RCC2: variants seen among roughly 807,000 people sequenced by gnomAD.
RCC2 encodes protein RCC2.
Under a neutral mutation model 64.1 loss-of-function variants are expected in RCC2, and 19 were observed. The observed-to-expected ratio is 0.30, with a 90% CI of 0.21 to 0.44. RCC2 has a LOEUF of 0.44. RCC2 is among the 20% of genes least tolerant of loss of function. The pLI is 1.00. For synonymous variants in RCC2, 325 were observed against 279.6 expected (o/e 1.16, Z -1.62); for missense variants, 508 against 710.4 (o/e 0.72, Z 3.24).
chr1:17,431,359 A>ATATATATATATATATATATATATAT lies in RCC2; in HGVS notation c.286-2161_286-2160insATATATATATATATATATATATATA, dbSNP rs1265674393. 8.0e-4 allele frequency among the ~76,000 whole-genome samples: 36 copies of ATATATATATATATATATATATATAT among 44,914 alleles called. 1 individual carries two copies. The highest frequency in any genetic ancestry group is 1.3e-3 in the Non-Finnish European group (33 of 26,166). 29.5% of individuals were successfully genotyped at this position (44,914 alleles called of 152,430 possible). A position where few individuals can be genotyped will look rare whatever the true frequency, so the allele number is the denominator to read the frequency against. ...AAAAAAAAAAAAAAAAAAAAAAAAAAATATATATATATATATATATATGTG... is the reference window on the plus strand; with the variant it reads ...AAAAAAAAAAAAAAAAAAAAAAAAAATATATATATATATATATATATATATATATATATATATATATATATATGTG... On this transcript the variant is annotated intron_variant, in intron 2 of 12. Transcript: ENST00000375436.
Position 17,416,618 on chromosome 1 carries a change from G to C in RCC2, c.888C>G (p.Ala296=). Residue 296 remains alanine, a synonymous_variant, in exon 8 of 13, where the codon GCC becomes GCG. Transcript: ENST00000375436. ...LGHNSDGKFI[A]RAQRIEYDCE... The stretch of plus-strand genomic sequence containing the variant: ...AGTCGTACTCTATCCGCTGTGCCCG[G>C]GCGATGAACTTCCCATCTGAGTTGT... 6.2e-7 allele frequency: 1 copy of C among 1,613,570 alleles called. No homozygotes were observed. Among genetic ancestry groups the C allele is most frequent in the South Asian group, 1.1e-5 (1 of 91,028 alleles).
At chr1:17,433,863 G>C (rs1040027886) in intron 2 of RCC2, among the ~76,000 whole-genome samples, 1 of 152,064 alleles carries the variant, frequency 6.6e-6, no homozygotes, top group Non-Finnish European at 1.5e-5. Context: ...GAACAATGCC[G>C]GCATCGACCA....
chr1:17,422,195 G>A lies in RCC2; in HGVS notation c.744+8C>T, dbSNP rs538698250. On this transcript the variant is annotated splice_region_variant and intron_variant, in intron 6 of 12. Coordinates refer to ENST00000375436, the MANE Select transcript of RCC2 (RefSeq NM_018715.4). ...AAAGCCATGGAGCCGGAGCTGAGGAGGGGTCACCTGCGCGGGGCTGGGAAC... is the reference window on the plus strand; with the variant it reads ...AAAGCCATGGAGCCGGAGCTGAGGAAGGGTCACCTGCGCGGGGCTGGGAAC... The A allele has an allele frequency of 6.9e-6, 11 of 1,595,142 alleles. No individual in the cohort carries two copies. The highest frequency in any genetic ancestry group is 8.6e-6 in the Non-Finnish European group (10 of 1,167,622).
chr1:17,429,015 G>T, intron 3 of RCC2, 91 bp downstream of exon 3: 1 of 1,006,496 alleles, frequency 9.9e-7, no homozygotes, highest in Non-Finnish European at 1.6e-6. Flanking sequence ...AAATGCATTT[G>T]TAAATGAAGG....
chr1:17,431,093 GA>G (rs2075670611), intron 2 of RCC2, among the ~76,000 whole-genome samples: 1 of 151,268 alleles, frequency 6.6e-6, no homozygotes, highest in African/African-American at 2.4e-5. Context: ...AGCACTTTGG[GA>G]CGCTGAGGCA....
At chr1:17,410,748 A>G (rs1053124806) in intron 11 of RCC2, among the ~76,000 whole-genome samples, 54 of 152,166 alleles carry the variant, frequency 3.5e-4, no homozygotes, top group African/African-American at 1.2e-3. Context: ...GCCAGGCCCC[A>G]CCTCGGGCCT....
Position 17,409,157 on chromosome 1 carries a change from C to T in RCC2, c.1502G>A (p.Arg501Lys). 1 of 1,614,158 alleles carries T rather than the reference C, an allele frequency of 6.2e-7. No homozygotes were observed. The highest frequency in any genetic ancestry group is 8.5e-7 in the Non-Finnish European group (1 of 1,179,998). ...CTCTTTCTCAGTCTCACTTTCATCTCTTGCTATCACCAAGGAGTGTGAGTA... is the reference window on the plus strand; with the variant it reads ...CTCTTTCTCAGTCTCACTTTCATCTTTTGCTATCACCAAGGAGTGTGAGTA... ...MGYSHSLVIA[R>K]DESETEKEKI... The change falls in exon 13 of 13, where the codon AGA becomes AAA. Residue 501 changes from arginine (R) to lysine (K), a missense_variant. By Grantham distance (26) the Arg-to-Lys change is conservative. This residue lies in a region of RCC2 where 179 missense variants were observed against 322.0 expected (regional missense o/e 0.56). Transcript: ENST00000375436.
intron 4 of RCC2, among the ~76,000 whole-genome samples, chr1:17,424,552 C>T (rs2075592012): frequency 6.6e-6 from 1 of 152,142 alleles, no homozygotes; most frequent in South Asian, 2.1e-4. Context: ...AAATTTGGGC[C>T]AGACACACTT....
chr1:17,431,532 A>G (rs1285503927), intron 2 of RCC2, among the ~76,000 whole-genome samples: 1 of 148,094 alleles, frequency 6.8e-6, no homozygotes, highest in East Asian at 2.0e-4. Flanking sequence ...GAAAGAAAGA[A>G]AAAGAAAAAA....
At chr1:17,430,119 G>A (rs1279428068) in intron 2 of RCC2, among the ~76,000 whole-genome samples, 3 of 152,216 alleles carry the variant, frequency 2.0e-5, no homozygotes, top group African/African-American at 7.2e-5. Flanking sequence ...ACACTGGCAA[G>A]GGAAGCATTC....
Position 17,410,133 on chromosome 1 carries a change from G to C in RCC2, c.1387-82C>G, listed in dbSNP as rs2075409361. The C allele has an allele frequency of 3.6e-5, 45 of 1,267,012 alleles. No individual in the cohort carries two copies. In the South Asian group the frequency reaches 5.4e-4, roughly 15 times the overall value. 78.5% of individuals were successfully genotyped at this position (1,267,012 alleles called of 1,614,324 possible). A position where few individuals can be genotyped will look rare whatever the true frequency, so the allele number is the denominator to read the frequency against. On this transcript the variant is annotated intron_variant, in intron 11 of 12. Coordinates refer to ENST00000375436, the MANE Select transcript of RCC2 (RefSeq NM_018715.4). ...TGGGGAATCACGGCAACATTTCCTG[G>C]CCCCCACTAACCAGAAGCCAGTGAT...
intron 2 of RCC2, among the ~76,000 whole-genome samples, chr1:17,431,083 A>G (rs547091137): frequency 6.6e-6 from 1 of 151,504 alleles, no homozygotes; most frequent in Non-Finnish European, 1.5e-5. Flanking sequence ...CTGTAATCCC[A>G]GCACTTTGGG....
chr1:17,438,564 A>G (rs529764966), intron 1 of RCC2, 42 bp from the exon 2 acceptor site: 5 of 1,286,624 alleles, frequency 3.9e-6, no homozygotes, highest in Non-Finnish European at 4.9e-6. Flanking sequence ...TGGACGGGTT[A>G]TAAACTGCGC....
chr1:17,409,083 G>A lies in RCC2; in HGVS notation c.*7C>T, dbSNP rs748981475. 25 of 1,596,400 alleles carry A rather than the reference G, an allele frequency of 1.6e-5. No homozygotes were observed. The highest frequency in any genetic ancestry group is 3.3e-4 in the Middle Eastern group (2 of 6,012). Reference sequence around the variant, plus strand: ...GAGGTGTGGAGTCGGAGGAGTCTCCGGGAGCATCAGAGGGTTCGGGGGTTG... The same window carrying A: ...GAGGTGTGGAGTCGGAGGAGTCTCCAGGAGCATCAGAGGGTTCGGGGGTTG... On this transcript the variant is annotated 3_prime_UTR_variant, in exon 13 of 13. Transcript: ENST00000375436.
chr1:17,434,477 T>C (rs1227142513), intron 2 of RCC2, among the ~76,000 whole-genome samples: 1 of 152,194 alleles, frequency 6.6e-6, no homozygotes, highest in South Asian at 2.1e-4. Flanking sequence ...CATCTAGCCT[T>C]ACAGGTCTCT....
At position 17,435,715 on chromosome 1, in the gene RCC2, G is replaced by A. The variant is rs147767820; in HGVS notation, c.285+2515C>T. Among the ~76,000 whole-genome samples, 668 of 152,282 alleles carry A rather than the reference G, an allele frequency of 4.4e-3. 9 individuals carry two copies. The South Asian group carries it at 0.065, about 15-fold the overall frequency. On this transcript the variant is annotated intron_variant, in intron 2 of 12. Coordinates refer to ENST00000375436, the MANE Select transcript of RCC2 (RefSeq NM_018715.4). ...GTGGACCACCTGAGATCAGGAGTTC[G>A]AGACCAGCCTGGCCAACGTGGTGAA...
chr1:17,412,601 C>T (rs2075439337), intron 10 of RCC2, among the ~76,000 whole-genome samples: 1 of 152,200 alleles, frequency 6.6e-6, no homozygotes, highest in East Asian at 1.9e-4. Context: ...CCGACAGAGG[C>T]CCCTCATACT....
Position 17,411,826 on chromosome 1 carries a change from CT to C in RCC2, c.1386+295del, listed in dbSNP as rs201910821. On this transcript the variant is annotated intron_variant, in intron 11 of 12. Transcript: ENST00000375436. The stretch of plus-strand genomic sequence containing the variant: ...CCAGGGGAGAGGGAACAAACAGGCC[CT>C]TTTCCTACCATAACCCAACTGTGGT... Among the ~76,000 whole-genome samples, 174 of 152,294 alleles carry C rather than the reference CT, an allele frequency of 1.1e-3. 4 individuals are homozygous for C. In the East Asian group the frequency reaches 0.029, roughly 25 times the overall value.
At chr1:17,437,780 G>A (rs1420072650) in intron 2 of RCC2, among the ~76,000 whole-genome samples, 3 of 38,124 alleles carry the variant, frequency 7.9e-5, no homozygotes, top group East Asian at 8.2e-4. Flanking sequence ...AGCGCCGGCC[G>A]CCCCCTCCCC....
Sources: allele counts gnomAD v4.1 joint callset (sites outside exome capture counted in the v4.1 genomes callset), GRCh38; gene constraint gnomAD v4.1.1; regional missense constraint gnomAD v4.1.1; transcripts MANE v1.5; gene names NCBI Gene and HGNC (gene_info 2026-07-23, HGNC 2026-07-21).